The following MTHFD2 variants were observed in gnomAD, a reference collection of about 807,000 sequenced individuals.
MTHFD2 encodes methylenetetrahydrofolate dehydrogenase (NADP+ dependent) 2, methenyltetrahydrofolate cyclohydrolase, also known as bifunctional methylenetetrahydrofolate dehydrogenase/cyclohydrolase, mitochondrial.
A neutral mutation model predicts 36.8 loss-of-function variants in MTHFD2; 26 were observed. The observed-to-expected ratio is 0.71, with a 90% CI of 0.52 to 0.98. The LOEUF (loss-of-function observed/expected upper bound fraction) is 0.98, where lower values mean the gene tolerates loss of function less well. MTHFD2 is among the 50% of genes least tolerant of loss of function. MTHFD2 has a pLI of 0.00. For missense variants in MTHFD2, 373 were observed against 434.0 expected, an observed-to-expected ratio of 0.86 and a Z score of 1.25; for synonymous variants, 164 against 155.2, an observed-to-expected ratio of 1.06 and a Z score of -0.42.
chr2:74,199,850 G>T (rs1421999493), intron 1 of MTHFD2, among the ~76,000 whole-genome samples: 1 of 152,178 alleles, frequency 6.6e-6, no homozygotes, highest in Non-Finnish European at 1.5e-5. Context: ...AGGTGATTTG[G>T]TCGGTCATTA....
In MTHFD2 at chr2:74,214,195, G is replaced by A; in HGVS notation, c.1006G>A (p.Glu336Lys). The change falls in exon 8 of 8, where the codon GAG becomes AAG. Residue 336 changes from glutamate to lysine, a missense_variant. Physicochemically the swap from Glu to Lys is moderately conservative, Grantham distance 56. Around this residue, in one of 2 missense-constraint regions of MTHFD2, gnomAD observed 308 missense variants for 397.8 expected, o/e 0.77. Transcript: ENST00000394053. ...TGCAAAAAAGGTGCTGAGGCTTGAAGAGCGAGAAGTGCTGAAGTCTAAAGA... is the reference window on the plus strand; with the variant it reads ...TGCAAAAAAGGTGCTGAGGCTTGAAAAGCGAGAAGTGCTGAAGTCTAAAGA... ...IAAKKVLRLE[E>K]REVLKSKELG... 6.2e-7 allele frequency: 1 copy of A among 1,614,126 alleles called. No individual in the cohort carries two copies. The highest frequency in any genetic ancestry group is 2.2e-5 in the East Asian group (1 of 44,884).
Position 74,215,711 on chromosome 2 carries a change from C to G in MTHFD2, c.*1469C>G, listed in dbSNP as rs1399806722. On this transcript the variant is annotated 3_prime_UTR_variant, in exon 8 of 8. Coordinates refer to ENST00000394053, the MANE Select transcript of MTHFD2 (RefSeq NM_006636.4). ...GCAACCTCTGCCTCTCGGGTTCAAA[C>G]AATTCTTGTGCCTCAGCCTCCTGAG... 1.3e-5 allele frequency: 2 copies of G among 152,452 alleles called. No homozygotes were observed. The highest frequency in any genetic ancestry group is 2.9e-5 in the Non-Finnish European group (2 of 68,296). The allele number at this position is 152,452 out of a possible 1,614,324, so 9.4% of individuals were successfully genotyped here. A position where few individuals can be genotyped will look rare whatever the true frequency, so the allele number is the denominator to read the frequency against.
chr2:74,212,982 G>A (rs1470864792), intron 7 of MTHFD2, among the ~76,000 whole-genome samples: 1 of 151,622 alleles, frequency 6.6e-6, no homozygotes, highest in Non-Finnish European at 1.5e-5. Context: ...TCTGCTCACT[G>A]CAACCTCCAC....
intron 5 of MTHFD2, among the ~76,000 whole-genome samples, chr2:74,210,781 G>C (rs1016921579): frequency 8.9e-6 from 1 of 112,074 alleles, no homozygotes; most frequent in African/African-American, 4.0e-5. Flanking sequence ...AAGCCATTAA[G>C]TCAGTTTTTT....
At chr2:74,198,978 G>A (rs1323459387) in intron 1 of MTHFD2, among the ~76,000 whole-genome samples, 1 of 152,172 alleles carries the variant, frequency 6.6e-6, no homozygotes, top group African/African-American at 2.4e-5. Context: ...TTCGGAGGGA[G>A]CCGCTCTCCT....
chr2:74,211,205 C>G lies in MTHFD2; in HGVS notation c.677C>G (p.Ala226Gly). The change falls in exon 6 of 8, where the codon GCC becomes GGC. Residue 226 changes from alanine (A) to glycine (G), a missense_variant. Around this residue, in one of 2 missense-constraint regions of MTHFD2, gnomAD observed 308 missense variants for 397.8 expected, o/e 0.77. Coordinates refer to ENST00000394053, the MANE Select transcript of MTHFD2 (RefSeq NM_006636.4). Reference sequence around the variant, plus strand: ...TCTATTTTTTTCTTTCTAGGTGATGCCACTGTTACAATATCTCATCGATAT... The same window carrying G: ...TCTATTTTTTTCTTTCTAGGTGATGGCACTGTTACAATATCTCATCGATAT... ...DGAHERPGGD[A>G]TVTISHRYTP... The G allele has an allele frequency of 1.2e-6, 2 of 1,600,150 alleles. No individual in the cohort carries two copies. The highest frequency in any genetic ancestry group is 1.7e-6 in the Non-Finnish European group (2 of 1,169,954).
chr2:74,213,200 G>A (rs192839061), intron 7 of MTHFD2, among the ~76,000 whole-genome samples: 48 of 151,040 alleles, frequency 3.2e-4, no homozygotes, highest in African/African-American at 1.0e-3. Flanking sequence ...CACTGCACCT[G>A]GCCTCTCCTT....
At chr2:74,204,002 C>T (rs1054384896) in intron 1 of MTHFD2, among the ~76,000 whole-genome samples, 1 of 152,002 alleles carries the variant, frequency 6.6e-6, no homozygotes, top group African/African-American at 2.4e-5. Flanking sequence ...TAACCTCTGC[C>T]TCCTGGGTTC....
intron 1 of MTHFD2, among the ~76,000 whole-genome samples, chr2:74,200,854 A>G (rs1471272473): frequency 6.6e-6 from 1 of 152,212 alleles, no homozygotes; most frequent in East Asian, 1.9e-4. Flanking sequence ...ATAATTGATA[A>G]CAACTCTTCC....
Position 74,211,198 on chromosome 2 carries a change from G to C in MTHFD2, c.671-1G>C. 6.3e-7 allele frequency: 1 copy of C among 1,593,864 alleles called. No individual in the cohort carries two copies. The highest frequency in any genetic ancestry group is 8.6e-7 in the Non-Finnish European group (1 of 1,164,648). On this transcript the variant is annotated splice_acceptor_variant, in intron 5 of 7. Coordinates refer to ENST00000394053, the MANE Select transcript of MTHFD2 (RefSeq NM_006636.4). LOFTEE classifies it high-confidence loss of function. ...CAAGACATCTATTTTTTTCTTTCTA[G>C]GTGATGCCACTGTTACAATATCTCA...
At chr2:74,205,608 T>A (rs1223519742) in intron 1 of MTHFD2, 97 bp from the exon 2 acceptor site, 33 of 1,381,362 alleles carry the variant, frequency 2.4e-5, no homozygotes, top group Admixed American at 4.5e-5. Context: ...CCTCCCGAAG[T>A]GCTGGGATTA....
In MTHFD2 at chr2:74,214,736, T is replaced by C. The variant is rs1444164537; in HGVS notation, c.*494T>C. The C allele has an allele frequency of 6.6e-6, 1 of 152,542 alleles. No individual in the cohort carries two copies. Among genetic ancestry groups the C allele is most frequent in the African/African-American group, 2.4e-5 (1 of 41,454 alleles). The allele number at this position is 152,542 out of a possible 1,614,324, so 9.4% of individuals were successfully genotyped here. A position where few individuals can be genotyped will look rare whatever the true frequency, so the allele number is the denominator to read the frequency against. ...AGAAAAAAATTAATTTATATATGTATTGATTGGCAACCAGATTTATCTAAG... is the reference window on the plus strand; with the variant it reads ...AGAAAAAAATTAATTTATATATGTACTGATTGGCAACCAGATTTATCTAAG... On this transcript the variant is annotated 3_prime_UTR_variant, in exon 8 of 8. Transcript: ENST00000394053.
rs767854445 is a variant in MTHFD2, at chr2:74,198,641, T to A, written c.-1T>A. 6.2e-7 allele frequency: 1 copy of A among 1,606,878 alleles called. No individual in the cohort carries two copies. The highest frequency in any genetic ancestry group is 8.5e-7 in the Non-Finnish European group (1 of 1,177,178). ...TCCCGGCGCAGTCACCGGCGCGGTC[T>A]ATGGCTGCGACTTCTCTAATGTCTG... On this transcript the variant is annotated 5_prime_UTR_variant, in exon 1 of 8. Coordinates refer to ENST00000394053, the MANE Select transcript of MTHFD2 (RefSeq NM_006636.4).
chr2:74,202,823 G>A (rs1328671045), intron 1 of MTHFD2, among the ~76,000 whole-genome samples: 2 of 152,058 alleles, frequency 1.3e-5, no homozygotes, highest in Admixed American at 6.6e-5. Context: ...ACCATGCCCG[G>A]CCTGCAAAAC....
chr2:74,204,386 G>C (rs1386660368), intron 1 of MTHFD2, among the ~76,000 whole-genome samples: 1 of 152,182 alleles, frequency 6.6e-6, no homozygotes, highest in African/African-American at 2.4e-5. Context: ...GGAACTGGAG[G>C]TTCTTCTAGA....
chr2:74,207,536 G>T (rs1208241695), intron 2 of MTHFD2, among the ~76,000 whole-genome samples, 168 bp from the exon 3 acceptor site: 1 of 152,128 alleles, frequency 6.6e-6, no homozygotes, highest in Non-Finnish European at 1.5e-5. Flanking sequence ...AGTATTCTCT[G>T]GTGTATATAT....
chr2:74,211,075 G>GCC, intron 5 of MTHFD2, 124 bp from the exon 6 acceptor site: 1 of 641,710 alleles, frequency 1.6e-6, no homozygotes. Context: ...GTGAGCCACT[G>GCC]CACCTGGCCG....
chr2:74,198,725 C>T lies in MTHFD2; in HGVS notation c.84C>T (p.Phe28=), dbSNP rs772704882. 6 of 1,610,170 alleles carry T rather than the reference C, an allele frequency of 3.7e-6. No individual in the cohort carries two copies. The highest frequency in any genetic ancestry group is 1.1e-5 in the South Asian group (1 of 90,686). ...AHSCSLRLRP[F]HLAAVRNEAV... Reference sequence around the variant, plus strand: ...GCTGCTCCCTTCGCCTTCGCCCTTTCCACCTCGCGGCAGTTCGGTAAGAGG... The same window carrying T: ...GCTGCTCCCTTCGCCTTCGCCCTTTTCACCTCGCGGCAGTTCGGTAAGAGG... The change falls in exon 1 of 8, where the codon TTC becomes TTT. Residue 28 remains phenylalanine, a synonymous_variant. Coordinates refer to ENST00000394053, the MANE Select transcript of MTHFD2 (RefSeq NM_006636.4).
intron 1 of MTHFD2, among the ~76,000 whole-genome samples, chr2:74,200,809 A>G (rs150997495): frequency 1.8e-3 from 276 of 152,276 alleles, no homozygotes; most frequent in African/African-American, 6.2e-3. Context: ...TCCTTTCTCC[A>G]TTATGTCTTC....
Sources: allele counts gnomAD v4.1 joint callset (sites outside exome capture counted in the v4.1 genomes callset), GRCh38; gene constraint gnomAD v4.1.1; regional missense constraint gnomAD v4.1.1; transcripts MANE v1.5; gene names NCBI Gene and HGNC (gene_info 2026-07-23, HGNC 2026-07-21).